SNX29: variants seen among roughly 807,000 people sequenced by gnomAD.
SNX29 encodes the protein sorting nexin-29.
Under a neutral mutation model 102.1 loss-of-function variants are expected in SNX29, and 78 were observed. That is an observed-to-expected ratio of 0.76 (90% CI 0.64 to 0.92). SNX29 has a LOEUF of 0.92. SNX29 is among the 40% of genes least tolerant of loss of function. SNX29 has a pLI of 0.00. For missense variants in SNX29, 1,280 were observed against 1,061.7 expected (o/e 1.21, Z -2.86); for synonymous variants, 580 against 414.5 (o/e 1.40, Z -4.85).
chr16:12,024,822 A>G (rs1448727603), intron 3 of SNX29, among the ~76,000 whole-genome samples: 1 of 152,210 alleles, frequency 6.6e-6, no homozygotes, highest in East Asian at 1.9e-4. Flanking sequence ...TCTTTTAAAG[A>G]TAGAGGCTTT....
chr16:12,407,496 G>A (rs1282101704), intron 18 of SNX29, among the ~76,000 whole-genome samples: 1 of 152,176 alleles, frequency 6.6e-6, no homozygotes, highest in Admixed American at 6.5e-5. Flanking sequence ...CGTGAAAACA[G>A]TCCAAAGTTT....
At chr16:12,511,110 C>G (rs755584252) in intron 19 of SNX29, among the ~76,000 whole-genome samples, 45 of 152,232 alleles carry the variant, frequency 3.0e-4, no homozygotes, top group Non-Finnish European at 5.1e-4. Context: ...CCACAGATTT[C>G]TCACTGTGCC....
intron 20 of SNX29, among the ~76,000 whole-genome samples, chr16:12,541,253 A>T (rs1292308830): frequency 6.6e-6 from 1 of 152,172 alleles, no homozygotes; most frequent in Non-Finnish European, 1.5e-5. Flanking sequence ...ATCATATCTT[A>T]TCAGGGAGAG....
Position 12,430,365 on chromosome 16 carries a change from G to A in SNX29, c.2037+26836G>A, listed in dbSNP as rs146295178. Among the ~76,000 whole-genome samples, 263 of 152,280 alleles carry A rather than the reference G, an allele frequency of 1.7e-3. 1 individual carries two copies. Among genetic ancestry groups the A allele is most frequent in the African/African-American group, 6.0e-3 (249 of 41,566 alleles). On this transcript the variant is annotated intron_variant, in intron 18 of 20. Coordinates refer to ENST00000566228, the MANE Select transcript of SNX29 (RefSeq NM_032167.5). ...GAAGGATAATGACTGTGAGGTTCCC[G>A]GCCTTGTGGGGGACACTTACATCAG...
chr16:12,499,680 T>C (rs959898275), intron 19 of SNX29, among the ~76,000 whole-genome samples: 1 of 152,194 alleles, frequency 6.6e-6, no homozygotes, highest in Admixed American at 6.5e-5. Flanking sequence ...CATTTACTTC[T>C]TTATTTATTT....
chr16:12,021,802 A>T (rs1223457143), intron 3 of SNX29, among the ~76,000 whole-genome samples: 6 of 151,878 alleles, frequency 4.0e-5, no homozygotes, highest in Admixed American at 3.9e-4. Context: ...TTGAGGCAGG[A>T]TAATCTCGAA....
At chr16:12,374,204 T>C (rs1350951169) in intron 16 of SNX29, among the ~76,000 whole-genome samples, 1 of 152,208 alleles carries the variant, frequency 6.6e-6, no homozygotes, top group African/African-American at 2.4e-5. Context: ...GCTAATAGTG[T>C]CTTCCCTACG....
At chr16:12,107,847 A>G (rs919593813) in intron 11 of SNX29, among the ~76,000 whole-genome samples, 2 of 152,142 alleles carry the variant, frequency 1.3e-5, no homozygotes, top group Non-Finnish European at 2.9e-5. Flanking sequence ...TTCATTAGGA[A>G]TGAAGAAACT....
chr16:12,174,020 T>TC (rs892165014), intron 13 of SNX29, among the ~76,000 whole-genome samples: 1 of 151,994 alleles, frequency 6.6e-6, no homozygotes, highest in Non-Finnish European at 1.5e-5. Context: ...CCTTAAGTGG[T>TC]CCCCCCCAAC....
chr16:12,528,847 C>A (rs973702605), intron 20 of SNX29, among the ~76,000 whole-genome samples: 1 of 152,122 alleles, frequency 6.6e-6, no homozygotes, highest in African/African-American at 2.4e-5. Flanking sequence ...AATGGTGGTC[C>A]CATTCTGGTT....
chr16:12,540,918 G>A (rs1010332762), intron 20 of SNX29, among the ~76,000 whole-genome samples: 4 of 152,254 alleles, frequency 2.6e-5, no homozygotes, highest in South Asian at 4.1e-4. Context: ...AGCCCTGTCT[G>A]TTCACCCCCT....
At chr16:12,198,202 C>T (rs1259041688) in intron 13 of SNX29, among the ~76,000 whole-genome samples, 2 of 152,062 alleles carry the variant, frequency 1.3e-5, no homozygotes, top group Non-Finnish European at 2.9e-5. Context: ...AGGTTTTTGC[C>T]ATTGGTTACC....
intron 11 of SNX29, among the ~76,000 whole-genome samples, chr16:12,088,861 G>T (rs139312597): frequency 6.6e-6 from 1 of 152,032 alleles, no homozygotes; most frequent in South Asian, 2.1e-4. Flanking sequence ...TGAGGCGGGC[G>T]GATTACTCTT....
At chr16:12,036,877 G>GA (rs1313779251) in intron 4 of SNX29, among the ~76,000 whole-genome samples, 5 of 151,536 alleles carry the variant, frequency 3.3e-5, no homozygotes, top group African/African-American at 7.3e-5. Flanking sequence ...ATTGATTTAA[G>GA]AAAAAAAAGA....
At chr16:12,534,133 C>T (rs1226029867) in intron 20 of SNX29, among the ~76,000 whole-genome samples, 1 of 152,224 alleles carries the variant, frequency 6.6e-6, no homozygotes, top group Non-Finnish European at 1.5e-5. Context: ...AGGACAGCTC[C>T]AACACCAGGC....
intron 20 of SNX29, among the ~76,000 whole-genome samples, chr16:12,530,516 C>G (rs1306654033): frequency 2.0e-5 from 3 of 151,796 alleles, no homozygotes; most frequent in African/African-American, 7.3e-5. Flanking sequence ...CAAATAGAAA[C>G]TCCACTGTTC....
intron 11 of SNX29, among the ~76,000 whole-genome samples, chr16:12,122,041 C>T (rs984967907): frequency 2.0e-5 from 3 of 152,194 alleles, no homozygotes; most frequent in Non-Finnish European, 2.9e-5. Context: ...GTCTTCATCT[C>T]CTGACCTGAA....
At chr16:12,540,223 T>G (rs1400103388) in intron 20 of SNX29, among the ~76,000 whole-genome samples, 1 of 152,112 alleles carries the variant, frequency 6.6e-6, no homozygotes, top group Non-Finnish European at 1.5e-5. Context: ...TTAACCTACT[T>G]CCTGTGGCTG....
chr16:12,254,651 A>C (rs1444420687), intron 14 of SNX29, among the ~76,000 whole-genome samples: 1 of 152,002 alleles, frequency 6.6e-6, no homozygotes, highest in African/African-American at 2.4e-5. Context: ...TCTCCAAAAA[A>C]AAAAAAGGTG....
Sources: allele counts gnomAD v4.1 joint callset (sites outside exome capture counted in the v4.1 genomes callset), GRCh38; gene constraint gnomAD v4.1.1; transcripts MANE v1.5; gene names NCBI Gene and HGNC (gene_info 2026-07-23, HGNC 2026-07-21).